The following NCKAP1 variants were observed in gnomAD, a reference collection of about 807,000 sequenced individuals.
The protein encoded by NCKAP1 is NCK associated protein 1, also known as nck-associated protein 1.
In NCKAP1, 21 loss-of-function variants were observed where a neutral mutation model predicts 151.2. That is an observed-to-expected ratio of 0.14 (90% CI 0.10 to 0.20). NCKAP1 has a LOEUF of 0.20. NCKAP1 is among the 10% of genes least tolerant of loss of function. The pLI is 1.00. For synonymous variants in NCKAP1, 484 were observed against 451.8 expected, an observed-to-expected ratio of 1.07 and a Z score of -0.90; for missense variants, 933 against 1,352.1, an observed-to-expected ratio of 0.69 and a Z score of 4.86.
At chr2:182,991,983 A>G (rs972730914) in intron 8 of NCKAP1, among the ~76,000 whole-genome samples, 7 of 152,200 alleles carry the variant, frequency 4.6e-5, no homozygotes, top group Non-Finnish European at 1.0e-4. Context: ...TAGAGCAGTG[A>G]TTCTTAAACT....
intron 17 of NCKAP1, among the ~76,000 whole-genome samples, chr2:182,963,769 G>A (rs920253565): frequency 2.6e-5 from 4 of 151,978 alleles, no homozygotes; most frequent in Admixed American, 6.6e-5. Context: ...TCAAGTTTGG[G>A]AGAAAAAAAT....
intron 15 of NCKAP1, among the ~76,000 whole-genome samples, chr2:182,968,786 G>A (rs6758029): frequency 0.049 from 7,490 of 152,162 alleles, 245 homozygotes; most frequent in African/African-American, 0.094. Flanking sequence ...ATATCTTCTT[G>A]CCAGCATCCA....
intron 18 of NCKAP1, among the ~76,000 whole-genome samples, chr2:182,958,996 T>C (rs375826809): frequency 2.6e-5 from 4 of 152,332 alleles, no homozygotes; most frequent in East Asian, 1.9e-4. Flanking sequence ...GGTTGAATCA[T>C]TGTTTTTAAA....
intron 8 of NCKAP1, among the ~76,000 whole-genome samples, chr2:182,992,913 A>G (rs937066472): frequency 2.0e-5 from 3 of 152,122 alleles, no homozygotes; most frequent in African/African-American, 7.2e-5. Flanking sequence ...TTATGTCTTT[A>G]TTATTTTGTT....
At chr2:182,951,847 G>A (rs56179717) in intron 23 of NCKAP1, among the ~76,000 whole-genome samples, 8,343 of 152,060 alleles carry the variant, frequency 0.055, 775 homozygotes, top group African/African-American at 0.19. Context: ...CACCGTAGCT[G>A]TAGGATATTT....
intron 15 of NCKAP1, among the ~76,000 whole-genome samples, chr2:182,967,647 A>C (rs909550920): frequency 1.3e-5 from 2 of 152,224 alleles, no homozygotes; most frequent in Non-Finnish European, 2.9e-5. Flanking sequence ...AGTGTAAAAC[A>C]ATTAATTGTC....
chr2:183,035,894 CTAAA>C (rs1319527093), intron 1 of NCKAP1, among the ~76,000 whole-genome samples: 1 of 152,100 alleles, frequency 6.6e-6, no homozygotes. Context: ...AGATAAGGCC[CTAAA>C]TACTCTAGTA....
intron 14 of NCKAP1, among the ~76,000 whole-genome samples, chr2:182,977,961 G>A (rs1697858870): frequency 6.6e-6 from 1 of 152,162 alleles, no homozygotes; most frequent in African/African-American, 2.4e-5. Flanking sequence ...AGACAGTTGT[G>A]CTAAGGGAAG....
At chr2:183,018,250 A>T (rs1419151586) in intron 2 of NCKAP1, among the ~76,000 whole-genome samples, 1 of 152,158 alleles carries the variant, frequency 6.6e-6, no homozygotes. Context: ...CCGTCTCAAA[A>T]AAACAAAACA....
intron 2 of NCKAP1, among the ~76,000 whole-genome samples, chr2:183,009,462 G>GCAA (rs1458889405): frequency 6.7e-6 from 1 of 148,172 alleles, no homozygotes; most frequent in African/African-American, 2.5e-5. Context: ...AAGGAAGGAA[G>GCAA]GAAGGAAGGA....
intron 8 of NCKAP1, among the ~76,000 whole-genome samples, chr2:182,989,983 C>A (rs889024217): frequency 6.6e-5 from 10 of 150,768 alleles, no homozygotes; most frequent in African/African-American, 2.4e-4. Flanking sequence ...GAGCAAGACT[C>A]TGTCTCAAAA....
intron 2 of NCKAP1, among the ~76,000 whole-genome samples, chr2:183,015,637 G>C (rs1301660745): frequency 6.6e-6 from 1 of 151,926 alleles, no homozygotes; most frequent in Non-Finnish European, 1.5e-5. Flanking sequence ...TAGGAAGAGA[G>C]ATTCCTTTTC....
At chr2:183,011,850 G>T (rs2105884576) in intron 2 of NCKAP1, among the ~76,000 whole-genome samples, 1 of 152,264 alleles carries the variant, frequency 6.6e-6, no homozygotes, top group African/African-American at 2.4e-5. Context: ...GATAAGTGAA[G>T]AGTTACTGTA....
chr2:182,971,393 CAAAAAAAAAAAAAA>C (rs1190689259), intron 15 of NCKAP1, among the ~76,000 whole-genome samples: 1 of 68,968 alleles, frequency 1.4e-5, no homozygotes, highest in Non-Finnish European at 2.9e-5. Context: ...GACTCCGTCT[CAAAAAAAAAAAAAA>C]AAAAAAAAAG....
chr2:182,952,998 A>G (rs1399322207), intron 21 of NCKAP1, 75 bp from the exon 22 acceptor site: 1 of 1,506,194 alleles, frequency 6.6e-7, no homozygotes, highest in East Asian at 2.3e-5. Context: ...ATTCCTGCAT[A>G]TAATTTTAAG....
chr2:182,926,968 T>TAG, intron 29 of NCKAP1, 63 bp from the exon 30 acceptor site: 1 of 1,130,768 alleles, frequency 8.8e-7, no homozygotes, highest in Non-Finnish European at 1.3e-6. Context: ...TTACTTATTT[T>TAG]AGGTATGTTT....
rs143053372 is a variant in NCKAP1, at chr2:183,006,654, A to C, written c.220-3329T>G. Among the ~76,000 whole-genome samples the C allele has an allele frequency of 8.8e-4, 134 of 152,332 alleles. 1 individual carries two copies. The highest frequency in any genetic ancestry group is 2.3e-3 in the African/African-American group (94 of 41,588). ...AACTCTCTTGCTTCAACTACAAAAA[A>C]TGCTACATTTTAGTTCCTAAAGTGA... On this transcript the variant is annotated intron_variant, in intron 2 of 30. Transcript: ENST00000361354.
intron 19 of NCKAP1, 80 bp from the exon 20 acceptor site, chr2:182,956,673 C>CT: frequency 7.2e-7 from 1 of 1,395,510 alleles, no homozygotes; most frequent in Non-Finnish European, 9.6e-7. Context: ...ATATATCAAC[C>CT]TTATTTGGAG....
intron 19 of NCKAP1, 53 bp downstream of exon 19, chr2:182,957,404 T>C (rs1697348616): frequency 6.5e-7 from 1 of 1,543,226 alleles, no homozygotes; most frequent in African/African-American, 1.4e-5. Context: ...TAGAAAAAAA[T>C]GAAATAAATA....
Sources: gnomAD v4.1 joint callset for allele counts (sites outside exome capture counted in the v4.1 genomes callset) on GRCh38, gnomAD v4.1.1 for gene constraint, MANE v1.5 for transcripts, NCBI Gene and HGNC (gene_info 2026-07-23, HGNC 2026-07-21) for gene names.